Variants in VAV2 observed in about 807,000 individuals in gnomAD.
VAV2 encodes the protein vav guanine nucleotide exchange factor 2.
A neutral mutation model predicts 132.5 loss-of-function variants in VAV2; 67 were observed. That is an observed-to-expected ratio of 0.51 (90% confidence interval 0.42 to 0.62). The LOEUF (loss-of-function observed/expected upper bound fraction) is 0.62, where lower values mean the gene tolerates loss of function less well. Among genes scored for constraint, VAV2 ranks in the 20% least tolerant of loss-of-function variants. The pLI is 0.00. For missense variants in VAV2, 938 were observed against 1,153.6 expected, an observed-to-expected ratio of 0.81 and a Z score of 2.71; for synonymous variants, 492 against 443.5, an observed-to-expected ratio of 1.11 and a Z score of -1.37.
chr9:133,988,815 C>A (rs945547772), intron 1 of VAV2, among the ~76,000 whole-genome samples: 1 of 152,152 alleles, frequency 6.6e-6, no homozygotes, highest in East Asian at 1.9e-4. Context: ...CGCCTGTAAT[C>A]CCACCACTTT....
rs1840167321 is a variant in VAV2, at chr9:133,918,159, A to G, written c.321+20944T>C. Among the ~76,000 whole-genome samples the G allele has an allele frequency of 6.6e-6, 1 of 152,208 alleles. No individual in the cohort carries two copies. On this transcript the variant is annotated intron_variant, in intron 2 of 29. Coordinates refer to ENST00000371850, the MANE Select transcript of VAV2 (RefSeq NM_001134398.2). The surrounding 1 kb of genome is among the most constrained non-coding windows in gnomAD (Gnocchi z 4.7). ...AGGACAGCTCTCCTTTTCCACTTGA[A>G]AGGCATCTCAGGGTGGTTTCCTCCA... is the stretch of plus-strand genomic sequence containing the variant.
At chr9:133,862,091 C>G (rs1254611292) in intron 2 of VAV2, among the ~76,000 whole-genome samples, 1 of 152,262 alleles carries the variant, frequency 6.6e-6, no homozygotes, top group Non-Finnish European at 1.5e-5. Context: ...GCAGACTGGT[C>G]AAGAGGAAGG....
intron 5 of VAV2, among the ~76,000 whole-genome samples, chr9:133,811,214 ACAGT>A (rs1298494868): frequency 6.6e-6 from 1 of 152,180 alleles, no homozygotes; most frequent in Non-Finnish European, 1.5e-5. Flanking sequence ...CCTGCTCTTA[ACAGT>A]CAGTTTGGGG....
At chr9:133,986,880 T>A (rs1030712018) in intron 1 of VAV2, among the ~76,000 whole-genome samples, 1 of 151,856 alleles carries the variant, frequency 6.6e-6, no homozygotes, top group African/African-American at 2.4e-5. Context: ...CTCATCAACA[T>A]CCACTGGGGT....
rs933881595 is a variant in VAV2, at chr9:133,884,168, T to C, written c.322-22736A>G. Among the ~76,000 whole-genome samples, 2 of 151,504 alleles carry C rather than the reference T, an allele frequency of 1.3e-5. No individual in the cohort carries two copies. The highest frequency in any genetic ancestry group is 4.9e-5 in the African/African-American group (2 of 41,226). ...AGTCTCAACCAAAAAAAAAAAATGA[T>C]TCTAGCAACTCATGAGCAAAGAGAG... On this transcript the variant is annotated intron_variant, in intron 2 of 29. Coordinates refer to ENST00000371850, the MANE Select transcript of VAV2 (RefSeq NM_001134398.2). This position sits in a 1 kb window ranked among gnomAD's most constrained non-coding sequence, Gnocchi z 5.3.
At chr9:133,927,919 C>T (rs1840536422) in intron 2 of VAV2, 1 of 152,104 alleles carries the variant, frequency 6.6e-6, no homozygotes, top group Non-Finnish European at 1.5e-5. Flanking sequence ...GGCAAAGACC[C>T]ATAGGCTTCC....
At chr9:133,812,269 C>G in intron 4 of VAV2, 53 bp from the exon 5 acceptor site, 1 of 1,575,070 alleles carries the variant, frequency 6.3e-7, no homozygotes, top group Non-Finnish European at 8.7e-7. Context: ...CCACCCTGAC[C>G]GGGGAGCCGC....
intron 1 of VAV2, among the ~76,000 whole-genome samples, chr9:133,982,560 G>T (rs1842731622): frequency 6.6e-6 from 1 of 151,700 alleles, no homozygotes; most frequent in South Asian, 2.1e-4. Flanking sequence ...GGGCGCAGGA[G>T]TCTCTGGCTG....
At chr9:133,850,165 C>G (rs146136646) in intron 3 of VAV2, among the ~76,000 whole-genome samples, 11 of 152,328 alleles carry the variant, frequency 7.2e-5, no homozygotes, top group Non-Finnish European at 1.3e-4. Flanking sequence ...GATGAGGGAA[C>G]AAGCTCAGGG....
rs3780754 is a variant in VAV2 at position 133,905,027 on chromosome 9, G to A, written c.321+34076C>T. ...CATCTTGTGGCTTGGGCAGTGCCAC[G>A]GGCAGCACCACACGTGGAGGCTTCT... On this transcript the variant is annotated intron_variant, in intron 2 of 29. Coordinates refer to ENST00000371850, the MANE Select transcript of VAV2 (RefSeq NM_001134398.2). 5.4e-3 allele frequency among the ~76,000 whole-genome samples: 827 copies of A among 152,276 alleles called. 23 individuals carry two copies. The highest frequency in any genetic ancestry group is 0.045 in the Admixed American group (692 of 15,296).
rs139687249 is a variant in VAV2 at position 133,786,247 on chromosome 9, T to TGC, written c.1423-364_1423-363dup. ...TGCACCTGTGCATGAGTGTGCCCAGTGCTCCTGTGAGCATGTGCACACACA... is the reference window on the plus strand; with the variant it reads ...TGCACCTGTGCATGAGTGTGCCCAGTGCGCTCCTGTGAGCATGTGCACACACA... On this transcript the variant is annotated intron_variant, in intron 16 of 29. Transcript: ENST00000371850. Among the ~76,000 whole-genome samples, 24 of 152,368 alleles carry TGC rather than the reference T, an allele frequency of 1.6e-4. No homozygotes were observed. The East Asian group carries it at 4.6e-3, about 29-fold the overall frequency.
intron 29 of VAV2, 53 bp from the exon 30 acceptor site, chr9:133,764,162 G>A (rs995661291): frequency 9.3e-6 from 15 of 1,610,710 alleles, no homozygotes; most frequent in Non-Finnish European, 1.3e-5. Flanking sequence ...GTGTAAGCAG[G>A]TGTGTGCATG....
intron 2 of VAV2, among the ~76,000 whole-genome samples, chr9:133,924,179 ATTTAT>A (rs2132084695): frequency 6.6e-6 from 1 of 152,186 alleles, no homozygotes. Context: ...TGAAGGCATT[ATTTAT>A]TTTTATTTTC....
chr9:133,869,455 A>T (rs568065708), intron 2 of VAV2, among the ~76,000 whole-genome samples: 2 of 142,860 alleles, frequency 1.4e-5, no homozygotes, highest in South Asian at 4.3e-4. Context: ...AAAATAAAAA[A>T]AAAAAATAAC....
chr9:133,905,306 G>C (rs1464819614), intron 2 of VAV2, among the ~76,000 whole-genome samples: 1 of 151,528 alleles, frequency 6.6e-6, no homozygotes, highest in East Asian at 1.9e-4. Flanking sequence ...CGTGGTGGCG[G>C]GCACCTGTAG....
chr9:133,952,071 T>C (rs1310401729), intron 1 of VAV2, among the ~76,000 whole-genome samples: 2 of 151,888 alleles, frequency 1.3e-5, no homozygotes, highest in Non-Finnish European at 2.9e-5. Context: ...TCATGAAGGG[T>C]CCGCTCTTAC....
At chr9:133,810,147 G>A (rs375208977) in intron 6 of VAV2, 44 bp downstream of exon 6, 28 of 1,612,018 alleles carry the variant, frequency 1.7e-5, no homozygotes, top group East Asian at 1.1e-4. Context: ...TCAAGAAGAC[G>A]GCGCAGGCAG....
rs1840493623 is a variant in VAV2 at position 133,926,775 on chromosome 9, C to T, written c.321+12328G>A. Among the ~76,000 whole-genome samples the T allele has an allele frequency of 6.6e-6, 1 of 152,152 alleles. No individual in the cohort carries two copies. The highest frequency in any genetic ancestry group is 6.5e-5 in the Admixed American group (1 of 15,278). ...TCACTCTGCACAGTAGGCAGTGGCC[C>T]CTGGCTCCCTGTCTTCCCAGGCTCC... On this transcript the variant is annotated intron_variant, in intron 2 of 29. Transcript: ENST00000371850. The surrounding 1 kb of genome is among the most constrained non-coding windows in gnomAD (Gnocchi z 4.3).
intron 2 of VAV2, among the ~76,000 whole-genome samples, chr9:133,889,362 C>G (rs528227273): frequency 6.6e-6 from 1 of 152,318 alleles, no homozygotes; most frequent in East Asian, 1.9e-4. Context: ...TAGCTGCTGG[C>G]TTTCTAGACT....
Sources: allele counts gnomAD v4.1 joint callset (sites outside exome capture counted in the v4.1 genomes callset), GRCh38; gene constraint gnomAD v4.1.1; non-coding constraint Gnocchi (gnomAD v3.1); transcripts MANE v1.5; gene names NCBI Gene and HGNC (gene_info 2026-07-23, HGNC 2026-07-21).